ZFAND6: variants seen among roughly 807,000 people sequenced by gnomAD.
The protein encoded by ZFAND6 is zinc finger AN1-type containing 6, also known as AN1-type zinc finger protein 6.
ZFAND6 carries 12 observed loss-of-function variants against 24.5 expected under a neutral mutation model. The ratio of observed to expected loss-of-function variants is 0.49; its 90% CI spans 0.31 to 0.79. The LOEUF is 0.79. Among genes scored for constraint, ZFAND6 ranks in the 30% least tolerant of loss-of-function variants. The pLI, the probability that ZFAND6 is intolerant of heterozygous loss-of-function variation, is 0.04. For synonymous variants in ZFAND6, 92 were observed against 81.5 expected (o/e 1.13, Z -0.69); for missense variants, 207 against 245.9 (o/e 0.84, Z 1.06).
intron 5 of ZFAND6, among the ~76,000 whole-genome samples, chr15:80,127,737 C>T (rs763183830): frequency 2.0e-5 from 3 of 152,106 alleles, no homozygotes; most frequent in Non-Finnish European, 4.4e-5. Flanking sequence ...TGGAGCCCTC[C>T]TGCCTTGGTG....
At chr15:80,127,477 A>T (rs997703350) in intron 5 of ZFAND6, among the ~76,000 whole-genome samples, 1 of 151,268 alleles carries the variant, frequency 6.6e-6, no homozygotes, top group Non-Finnish European at 1.5e-5. Context: ...AGTCTCAGAT[A>T]CTCGTGAGGC....
intron 1 of ZFAND6, among the ~76,000 whole-genome samples, chr15:80,074,353 C>G (rs137954791): frequency 2.1e-4 from 32 of 151,916 alleles, no homozygotes; most frequent in East Asian, 7.7e-4. Context: ...TTTACACTGG[C>G]TTTGTTATTC....
intron 1 of ZFAND6, among the ~76,000 whole-genome samples, chr15:80,083,816 C>T (rs553896375): frequency 1.9e-3 from 295 of 152,238 alleles, no homozygotes; most frequent in South Asian, 5.0e-3. Context: ...GAGCTCAGAT[C>T]ATGCCATTGC....
chr15:80,120,684 A>G (rs2040107075), intron 3 of ZFAND6, 186 bp downstream of exon 3: 1 of 393,934 alleles, frequency 2.5e-6, no homozygotes, highest in East Asian at 4.1e-5. Context: ...ATCATCACTC[A>G]TTGAAAATAC....
intron 1 of ZFAND6, among the ~76,000 whole-genome samples, chr15:80,084,850 A>C (rs1172033884): frequency 6.6e-6 from 1 of 152,222 alleles, no homozygotes; most frequent in African/African-American, 2.4e-5. Flanking sequence ...CTGCATCATC[A>C]AGCCTCAGAA....
intron 1 of ZFAND6, 49 bp downstream of exon 1, chr15:80,059,858 CCCG>C (rs2036222835): frequency 6.6e-6 from 1 of 151,464 alleles, no homozygotes; most frequent in African/African-American, 2.4e-5. Flanking sequence ...CTGCCCCTCC[CCCG>C]CCTGCTCCCT....
At chr15:80,121,175 A>G (rs549891341) in intron 3 of ZFAND6, among the ~76,000 whole-genome samples, 6 of 152,320 alleles carry the variant, frequency 3.9e-5, no homozygotes, top group East Asian at 3.9e-4. Context: ...AGTGTAGGCT[A>G]TTACTTAGTT....
At chr15:80,125,653 C>G (rs1212895916) in intron 5 of ZFAND6, among the ~76,000 whole-genome samples, 1 of 152,158 alleles carries the variant, frequency 6.6e-6, no homozygotes, top group Non-Finnish European at 1.5e-5. Flanking sequence ...GAGTATAAGT[C>G]AAATTTCCAG....
chr15:80,106,652 G>A (rs1043653550), intron 2 of ZFAND6, among the ~76,000 whole-genome samples: 1 of 144,124 alleles, frequency 6.9e-6, no homozygotes, highest in African/African-American at 2.6e-5. Context: ...TGCTCATTAT[G>A]CATATTTTAA....
At chr15:80,106,738 AC>A (rs2039349233) in intron 2 of ZFAND6, among the ~76,000 whole-genome samples, 1 of 151,948 alleles carries the variant, frequency 6.6e-6, no homozygotes, top group African/African-American at 2.4e-5. Context: ...TTCCTCAGTA[AC>A]CCTTTTCCCT....
intron 1 of ZFAND6, among the ~76,000 whole-genome samples, chr15:80,069,222 T>C (rs190467773): frequency 6.6e-5 from 10 of 152,248 alleles, no homozygotes; most frequent in Non-Finnish European, 1.5e-4. Context: ...ATCTATGATA[T>C]GTTGTTTGGC....
intron 5 of ZFAND6, among the ~76,000 whole-genome samples, chr15:80,123,726 T>C (rs1266633690): frequency 1.3e-5 from 2 of 152,090 alleles, no homozygotes; most frequent in Non-Finnish European, 2.9e-5. Context: ...AACAAAAAAT[T>C]AGCCAGGTGA....
intron 1 of ZFAND6, among the ~76,000 whole-genome samples, chr15:80,095,455 T>TA (rs772309352): frequency 6.6e-6 from 1 of 152,230 alleles, no homozygotes; most frequent in African/African-American, 2.4e-5. Flanking sequence ...CTGTAATACA[T>TA]AATTTGTGGG....
intron 2 of ZFAND6, among the ~76,000 whole-genome samples, chr15:80,110,869 GC>G (rs1187129264): frequency 6.6e-6 from 1 of 152,154 alleles, no homozygotes; most frequent in Non-Finnish European, 1.5e-5. Context: ...AAAGTGAAAG[GC>G]TTAGCTTCTC....
rs1207465684 is a variant in ZFAND6 at position 80,131,256 on chromosome 15, T to C, written c.441T>C (p.Asn147=). Residue 147 remains asparagine (N), a synonymous_variant, in exon 6 of 7, where the codon AAT becomes AAC. Coordinates refer to ENST00000261749, the MANE Select transcript of ZFAND6 (RefSeq NM_019006.4). ...KSLEKPKQKK[N]RCFMCRKKVG... is the part of the protein sequence containing the mutation. ...TTGAAAAACCGAAACAAAAAAAGAATCGCTGTTTCATGTGCAGGAAGAAAG... is the reference window on the plus strand; with the variant it reads ...TTGAAAAACCGAAACAAAAAAAGAACCGCTGTTTCATGTGCAGGAAGAAAG... 1 of 1,612,940 alleles carries C rather than the reference T, an allele frequency of 6.2e-7. No homozygotes were observed. The highest frequency in any genetic ancestry group is 1.1e-5 in the South Asian group (1 of 90,956).
Position 80,129,186 on chromosome 15 carries a change from G to T in ZFAND6, c.365-1994G>T, listed in dbSNP as rs192582938. On this transcript the variant is annotated intron_variant, in intron 5 of 6. Transcript: ENST00000261749. ...AAGACATTCAGCCCCTGCCCTCTTG[G>T]AGCTTACATTCTAGGGATATTTATT... Among the ~76,000 whole-genome samples the T allele has an allele frequency of 3.7e-4, 56 of 152,290 alleles. No individual in the cohort carries two copies. The East Asian group carries it at 0.01, about 28-fold the overall frequency.
At chr15:80,081,710 A>G (rs2037681077) in intron 1 of ZFAND6, among the ~76,000 whole-genome samples, 1 of 152,214 alleles carries the variant, frequency 6.6e-6, no homozygotes, top group Non-Finnish European at 1.5e-5. Context: ...AGAGTAGGTT[A>G]CAGTCTGCTT....
rs2040252805 is a variant in ZFAND6, at chr15:80,123,841, C to T, written c.364+1041C>T. On this transcript the variant is annotated intron_variant, in intron 5 of 6. Transcript: ENST00000261749. ...TGAGCTATGATCGTGCCACTGCACT[C>T]CAGCCTGGGTGGGCACCAGAGCAAT... 2.0e-5 allele frequency among the ~76,000 whole-genome samples: 3 copies of T among 152,174 alleles called. No homozygotes were observed. The South Asian group carries it at 6.2e-4, about 31-fold the overall frequency.
rs112276401 is a variant in ZFAND6 at position 80,136,620 on chromosome 15, T to C, written c.479-860T>C. ...ATTCATTATTATGAAGTTACAAATA[T>C]GTCTTTGAAGTTAAAAATGTGGCAA... is the stretch of plus-strand genomic sequence containing the variant. On this transcript the variant is annotated intron_variant, in intron 6 of 6. Coordinates refer to ENST00000261749, the MANE Select transcript of ZFAND6 (RefSeq NM_019006.4). 8.8e-3 allele frequency among the ~76,000 whole-genome samples: 1,334 copies of C among 152,318 alleles called. 23 individuals are homozygous for C. The highest frequency in any genetic ancestry group is 0.03 in the African/African-American group (1,263 of 41,566).
Sources: allele counts gnomAD v4.1 joint callset (sites outside exome capture counted in the v4.1 genomes callset), GRCh38; gene constraint gnomAD v4.1.1; transcripts MANE v1.5; gene names NCBI Gene and HGNC (gene_info 2026-07-23, HGNC 2026-07-21).